Variants in RAB8B observed in about 807,000 individuals in gnomAD.
RAB8B encodes RAB8B, member RAS oncogene family.
A neutral mutation model predicts 32.0 loss-of-function variants in RAB8B; 11 were observed. The ratio of observed to expected loss-of-function variants is 0.34; its 90% confidence interval spans 0.22 to 0.57. The LOEUF is 0.57. Among genes scored for constraint, RAB8B ranks in the 20% least tolerant of loss-of-function variants. RAB8B has a pLI of 0.86. For synonymous variants in RAB8B, 103 were observed against 89.6 expected (o/e 1.15, Z -0.85); for missense variants, 190 against 258.5 (o/e 0.73, Z 1.82).
intron 6 of RAB8B, among the ~76,000 whole-genome samples, chr15:63,262,329 ATAGT>A (rs1225752226): frequency 5.3e-5 from 8 of 152,130 alleles, no homozygotes; most frequent in Admixed American, 4.6e-4. Context: ...TGAATGAATG[ATAGT>A]TTGATAACAT....
chr15:63,229,231 T>C (rs541168968), intron 1 of RAB8B, among the ~76,000 whole-genome samples: 2 of 152,326 alleles, frequency 1.3e-5, no homozygotes, highest in African/African-American at 4.8e-5. Context: ...CCAGGAAGTA[T>C]TTCTATGCAT....
chr15:63,226,555 T>G (rs1040937351), intron 1 of RAB8B, among the ~76,000 whole-genome samples: 2 of 152,214 alleles, frequency 1.3e-5, no homozygotes, highest in African/African-American at 4.8e-5. Flanking sequence ...CAGAAATTCA[T>G]GCCAAGATCT....
chr15:63,231,160 A>G (rs1189785899), intron 1 of RAB8B, among the ~76,000 whole-genome samples: 1 of 152,236 alleles, frequency 6.6e-6, no homozygotes, highest in Non-Finnish European at 1.5e-5. Context: ...TATCTGATAC[A>G]TTACATGGAT....
chr15:63,201,323 G>C (rs924325578), intron 1 of RAB8B, among the ~76,000 whole-genome samples: 44 of 152,172 alleles, frequency 2.9e-4, no homozygotes, highest in Non-Finnish European at 4.7e-4. Flanking sequence ...TTATATCTCA[G>C]CTCAGATTGG....
intron 1 of RAB8B, among the ~76,000 whole-genome samples, chr15:63,239,111 C>T (rs1483401271): frequency 5.3e-5 from 8 of 152,130 alleles, no homozygotes; most frequent in Non-Finnish European, 8.8e-5. Context: ...CTCTGAACCC[C>T]ATTCACCACT....
chr15:63,250,065 A>G (rs1225460147), intron 3 of RAB8B, among the ~76,000 whole-genome samples: 3 of 152,154 alleles, frequency 2.0e-5, no homozygotes, highest in Non-Finnish European at 2.9e-5. Flanking sequence ...GAACCCAGGA[A>G]GAGGAGCTTG....
chr15:63,210,988 C>G (rs768681349), intron 1 of RAB8B, among the ~76,000 whole-genome samples: 19 of 152,300 alleles, frequency 1.2e-4, no homozygotes, highest in Admixed American at 2.0e-4. Flanking sequence ...CTCAACTCAA[C>G]CTGAGGAAAC....
At chr15:63,211,212 T>G (rs2037744276) in intron 1 of RAB8B, among the ~76,000 whole-genome samples, 1 of 152,262 alleles carries the variant, frequency 6.6e-6, no homozygotes, top group Non-Finnish European at 1.5e-5. Context: ...TAACTTTTCT[T>G]TATTGACAAG....
chr15:63,236,307 C>T (rs1048015586), intron 1 of RAB8B, among the ~76,000 whole-genome samples: 5 of 152,122 alleles, frequency 3.3e-5, no homozygotes, highest in Admixed American at 6.5e-5. Flanking sequence ...TGTTTTCTTA[C>T]AGTTTATATT....
chr15:63,246,326 G>A (rs1431150125), intron 2 of RAB8B, among the ~76,000 whole-genome samples: 1 of 152,140 alleles, frequency 6.6e-6, no homozygotes, highest in African/African-American at 2.4e-5. Flanking sequence ...TTTCAGATTA[G>A]GGATACTCAA....
At chr15:63,224,230 G>A (rs1189879832) in intron 1 of RAB8B, among the ~76,000 whole-genome samples, 4 of 152,172 alleles carry the variant, frequency 2.6e-5, no homozygotes, top group Admixed American at 2.6e-4. Flanking sequence ...ATTGGAAGAT[G>A]CAACTATAAT....
intron 1 of RAB8B, among the ~76,000 whole-genome samples, chr15:63,244,513 T>C (rs2038056198): frequency 6.6e-6 from 1 of 152,206 alleles, no homozygotes; most frequent in Non-Finnish European, 1.5e-5. Flanking sequence ...ATGTGATCCA[T>C]TTGTGTCAGA....
At position 63,259,334 on chromosome 15, in the gene RAB8B, G is replaced by A. The variant is rs1203339951; in HGVS notation, c.415-293G>A. Among the ~76,000 whole-genome samples the A allele has an allele frequency of 6.6e-6, 1 of 152,016 alleles. No individual in the cohort carries two copies. Among genetic ancestry groups the A allele is most frequent in the Non-Finnish European group, 1.5e-5 (1 of 67,972 alleles). ...CGGGGTTTCATCATGTTAGCAAGGA[G>A]GGTCTCGATCTCCTGACCTCGTGAT... On this transcript the variant is annotated intron_variant, in intron 5 of 7. Coordinates refer to ENST00000321437, the MANE Select transcript of RAB8B (RefSeq NM_016530.3). This position sits in a 1 kb window ranked among gnomAD's most constrained non-coding sequence, Gnocchi z 4.4.
At position 63,266,125 on chromosome 15, in the gene RAB8B, C is replaced by G. The variant is rs1458508481; in HGVS notation, c.*2506C>G. ...GATAATTGTCTGTTCCCCGCTGAAA[C>G]TGAAGAAATCTAGTTTTTTTGTGAA... On this transcript the variant is annotated 3_prime_UTR_variant, in exon 8 of 8. Transcript: ENST00000321437. 1.3e-5 allele frequency: 2 copies of G among 152,500 alleles called. No homozygotes were observed. The highest frequency in any genetic ancestry group is 4.8e-5 in the African/African-American group (2 of 41,418). The allele number at this position is 152,500 out of a possible 1,614,324, so 9.4% of individuals were successfully genotyped here. A position where few individuals can be genotyped will look rare whatever the true frequency, so the allele number is the denominator to read the frequency against.
chr15:63,199,265 G>A (rs2037628200), intron 1 of RAB8B, among the ~76,000 whole-genome samples: 1 of 152,210 alleles, frequency 6.6e-6, no homozygotes, highest in Admixed American at 6.5e-5. Flanking sequence ...AGCAATTGGA[G>A]TAAACTATTG....
chr15:63,222,634 C>T (rs1033319373), intron 1 of RAB8B, among the ~76,000 whole-genome samples: 14 of 152,130 alleles, frequency 9.2e-5, no homozygotes, highest in Non-Finnish European at 1.8e-4. Flanking sequence ...GCTTCCTGGG[C>T]GCAAGCAATT....
intron 1 of RAB8B, among the ~76,000 whole-genome samples, chr15:63,215,608 A>T (rs970703495): frequency 6.6e-6 from 1 of 152,132 alleles, no homozygotes; most frequent in African/African-American, 2.4e-5. Flanking sequence ...CATAATTTTC[A>T]TTTTTATTTT....
chr15:63,190,735 T>G (rs1178469964), intron 1 of RAB8B, among the ~76,000 whole-genome samples: 1 of 152,204 alleles, frequency 6.6e-6, no homozygotes, highest in East Asian at 1.9e-4. Flanking sequence ...TTTACTACCA[T>G]CTCCTGAGAA....
chr15:63,259,545 C>T lies in RAB8B; in HGVS notation c.415-82C>T. 1 of 1,284,490 alleles carries T rather than the reference C, an allele frequency of 7.8e-7. No homozygotes were observed. The highest frequency in any genetic ancestry group is 2.5e-5 in the East Asian group (1 of 40,770). The allele number at this position is 1,284,490 out of a possible 1,614,324, so 79.6% of individuals were successfully genotyped here. A position where few individuals can be genotyped will look rare whatever the true frequency, so the allele number is the denominator to read the frequency against. On this transcript the variant is annotated intron_variant, in intron 5 of 7. Coordinates refer to ENST00000321437, the MANE Select transcript of RAB8B (RefSeq NM_016530.3). This position sits in a 1 kb window ranked among gnomAD's most constrained non-coding sequence, Gnocchi z 4.4. ...TGAAATAGATACCCTACCTTTGAGA[C>T]TTTGAAAAACCTAAGAAATACAAAT...
Sources: allele counts gnomAD v4.1 joint callset (sites outside exome capture counted in the v4.1 genomes callset), GRCh38; gene constraint gnomAD v4.1.1; non-coding constraint Gnocchi (gnomAD v3.1); transcripts MANE v1.5; gene names NCBI Gene and HGNC (gene_info 2026-07-23, HGNC 2026-07-21).